PTPRS: variants seen among roughly 807,000 people sequenced by gnomAD.
PTPRS encodes receptor-type tyrosine-protein phosphatase S.
Under a neutral mutation model 215.3 loss-of-function variants are expected in PTPRS, and 63 were observed. The ratio of observed to expected loss-of-function variants is 0.29; its 90% confidence interval spans 0.24 to 0.36. The LOEUF (loss-of-function observed/expected upper bound fraction) is 0.36, where lower values mean the gene tolerates loss of function less well. PTPRS is among the 10% of genes least tolerant of loss of function. PTPRS has a pLI of 1.00. For missense variants in PTPRS, 2,258 were observed against 2,825.8 expected (o/e 0.80, Z 4.56); for synonymous variants, 1,404 against 1,191.4 (o/e 1.18, Z -3.68).
In PTPRS at chr19:5,218,788, T is replaced by C. The variant is rs747944058; in HGVS notation, c.3934A>G (p.Ser1312Gly). The C allele has an allele frequency of 2.5e-6, 4 of 1,607,466 alleles. No individual in the cohort carries two copies. The South Asian group carries it at 4.5e-5, about 18-fold the overall frequency. ...AILLYKNKPD[S>G]KRKDSEPRTK... ...CCACGGGGGAGGGCTGGTTCTTACC[T>C]GTCGGGTTTGCTGTTCCCGAAAGCA... Residue 1312 changes from serine to glycine, a missense_variant and splice_region_variant, in exon 24 of 38, where the codon AGT (serine) becomes GGT (glycine). Around this residue, in one of 6 missense-constraint regions of PTPRS, gnomAD observed 927 missense variants for 1,125.9 expected, o/e 0.82. Transcript: ENST00000262963.
chr19:5,264,284 C>G (rs564017775), intron 5 of PTPRS, among the ~76,000 whole-genome samples: 1 of 152,292 alleles, frequency 6.6e-6, no homozygotes, highest in South Asian at 2.1e-4. Context: ...CTACTCCTGC[C>G]TGTCTGGGCC....
Position 5,223,301 on chromosome 19 carries a change from C to T in PTPRS, c.2495-4G>A, listed in dbSNP as rs747844492. The T allele has an allele frequency of 1.8e-5, 26 of 1,449,120 alleles. No homozygotes were observed. The highest frequency in any genetic ancestry group is 1.3e-4 in the Admixed American group (5 of 38,146). 89.8% of individuals were successfully genotyped at this position (1,449,120 alleles called of 1,614,324 possible). On this transcript the variant is annotated splice_region_variant and splice_polypyrimidine_tract_variant and intron_variant, in intron 17 of 37. Coordinates refer to ENST00000262963, the MANE Select transcript of PTPRS (RefSeq NM_002850.4). Reference sequence around the variant, plus strand: ...GACAGGGTTGGGCGGCCCAGCACTGCGGGGATACGGGGCAGGTGTCAGGGT... The same window carrying T: ...GACAGGGTTGGGCGGCCCAGCACTGTGGGGATACGGGGCAGGTGTCAGGGT...
intron 23 of PTPRS, chr19:5,219,090 G>A (rs2041750081): frequency 3.0e-6 from 2 of 667,682 alleles, no homozygotes; most frequent in African/African-American, 3.6e-5. Flanking sequence ...TTGAAGATAG[G>A]GGTTAAGAGG....
intron 2 of PTPRS, among the ~76,000 whole-genome samples, chr19:5,281,494 T>C (rs7248034): frequency 1 from 152,062 of 152,274 alleles, 75,925 homozygotes; most frequent in Middle Eastern, 1. Context: ...GATCACAGAG[T>C]TCAGAAATAA....
Position 5,240,246 on chromosome 19 carries a change from T to C in PTPRS, c.1657A>G (p.Ile553Val). ...LSWSPPRQESIIKYELLFREG... is the reference protein window; with the variant it reads ...LSWSPPRQESVIKYELLFREG... ...CGGAAGAGGAGCTCGTACTTGATGA[T>C]ACTCTCCTGCCGCGGGGGGCTCCAG... is the stretch of plus-strand genomic sequence containing the variant. Residue 553 changes from isoleucine (I) to valine (V), a missense_variant, in exon 12 of 38, where the codon ATC becomes GTC. Ile to Val is a conservative substitution (Grantham distance 29). Transcript: ENST00000262963. 2 of 1,577,178 alleles carry C rather than the reference T, an allele frequency of 1.3e-6. No homozygotes were observed. The highest frequency in any genetic ancestry group is 1.7e-6 in the Non-Finnish European group (2 of 1,162,518).
chr19:5,240,840 AAAAT>A lies in PTPRS; in HGVS notation c.1571-512_1571-509del, dbSNP rs572535042. Among the ~76,000 whole-genome samples, 29 of 150,788 alleles carry A rather than the reference AAAAT, an allele frequency of 1.9e-4. 3 individuals carry two copies. The highest frequency in any genetic ancestry group is 4.0e-4 in the Admixed American group (6 of 15,144). ...GGCAACAGAGTGAGACTCTGTCTCAAAAATAAATAAATAAATAAATAAAAATAAA... is the reference window on the plus strand; with the variant it reads ...GGCAACAGAGTGAGACTCTGTCTCAAAAATAAATAAATAAATAAAAATAAA... On this transcript the variant is annotated intron_variant, in intron 11 of 37. Coordinates refer to ENST00000262963, the MANE Select transcript of PTPRS (RefSeq NM_002850.4).
Position 5,338,415 on chromosome 19 carries a change from C to A in PTPRS, c.-95+2249G>T, listed in dbSNP as rs1415542509. Among the ~76,000 whole-genome samples, 5 of 152,140 alleles carry A rather than the reference C, an allele frequency of 3.3e-5. No homozygotes were observed. Among genetic ancestry groups the A allele is most frequent in the Non-Finnish European group, 7.4e-5 (5 of 68,002 alleles). On this transcript the variant is annotated intron_variant, in intron 1 of 37. Transcript: ENST00000262963. This position sits in a 1 kb window ranked among gnomAD's most constrained non-coding sequence, Gnocchi z 4.2. ...GAGGGTGTCCCCCGGGCCTGGGGAA[C>A]AGGGCAGGACCCTGCTTCCCGGAGG...
intron 2 of PTPRS, among the ~76,000 whole-genome samples, chr19:5,282,887 A>G (rs1307409823): frequency 1.3e-5 from 2 of 151,928 alleles, no homozygotes; most frequent in African/African-American, 4.8e-5. Context: ...ACCTGGCTCC[A>G]GTGCCTTGAA....
At position 5,244,034 on chromosome 19, in the gene PTPRS, G is replaced by T; in HGVS notation, c.1437C>A (p.Asn479Lys). The T allele has an allele frequency of 6.2e-7, 1 of 1,609,632 alleles. No individual in the cohort carries two copies. The highest frequency in any genetic ancestry group is 8.5e-7 in the Non-Finnish European group (1 of 1,179,920). Residue 479 changes from asparagine (N) to lysine (K), a missense_variant, in exon 11 of 38, where the codon AAC becomes AAA. Coordinates refer to ENST00000262963, the MANE Select transcript of PTPRS (RefSeq NM_002850.4). The surrounding 1 kb of genome is among the most constrained non-coding windows in gnomAD (Gnocchi z 7.2). Reference sequence around the variant, plus strand: ...CGGTGGTCAGCAGGCTGTCGTCCACGTTGTGCTTCTGCCAGTTGCCCACGG... The same window carrying T: ...CGGTGGTCAGCAGGCTGTCGTCCACTTTGTGCTTCTGCCAGTTGCCCACGG... ...EHPVGNWQKH[N>K]VDDSLLTTVG...
At chr19:5,227,689 C>T (rs1052177547) in intron 16 of PTPRS, among the ~76,000 whole-genome samples, 3 of 152,272 alleles carry the variant, frequency 2.0e-5, no homozygotes, top group Admixed American at 6.5e-5. Flanking sequence ...GGATTACAGG[C>T]GTGAGCCACC....
At chr19:5,217,458 G>A (rs916449192) in intron 25 of PTPRS, among the ~76,000 whole-genome samples, 2 of 152,092 alleles carry the variant, frequency 1.3e-5, no homozygotes, top group Non-Finnish European at 2.9e-5. Context: ...ATCCCTTTAT[G>A]AGGACAGCAG....
intron 4 of PTPRS, 151 bp from the exon 5 acceptor site, chr19:5,265,347 T>C: frequency 2.9e-6 from 2 of 685,810 alleles, no homozygotes; most frequent in Non-Finnish European, 4.8e-6. Context: ...CAGCCAGTTC[T>C]CTCTCTTTTT....
At chr19:5,297,289 C>T (rs971183096) in intron 1 of PTPRS, among the ~76,000 whole-genome samples, 6 of 152,086 alleles carry the variant, frequency 3.9e-5, no homozygotes, top group South Asian at 2.1e-4. Context: ...ATAAAATAGG[C>T]GCGTGCAGCA....
At chr19:5,261,403 G>A (rs2045982034) in intron 6 of PTPRS, among the ~76,000 whole-genome samples, 1 of 152,174 alleles carries the variant, frequency 6.6e-6, no homozygotes, top group South Asian at 2.1e-4. Context: ...GAGCCTGGCA[G>A]CCTTCTTACC....
At chr19:5,316,363 C>T (rs556289549) in intron 1 of PTPRS, among the ~76,000 whole-genome samples, 10 of 152,280 alleles carry the variant, frequency 6.6e-5, no homozygotes, top group African/African-American at 2.4e-4. Flanking sequence ...TGCCTCTTGC[C>T]CCAGATTTGC....
At position 5,237,631 on chromosome 19, in the gene PTPRS, C is replaced by A. The variant is rs1568446491; in HGVS notation, c.1849+1288G>T. On this transcript the variant is annotated intron_variant, in intron 13 of 37. Transcript: ENST00000262963. This position sits in a 1 kb window ranked among gnomAD's most constrained non-coding sequence, Gnocchi z 4.2. ...TCCGTTCAGCCCAGAGTGGCTGGGG[C>A]AGGCGGGGGGGCACGCGGGGTGGGC... Among the ~76,000 whole-genome samples, 1 of 152,252 alleles carries A rather than the reference C, an allele frequency of 6.6e-6. No individual in the cohort carries two copies. Among genetic ancestry groups the A allele is most frequent in the South Asian group, 2.1e-4 (1 of 4,824 alleles).
Position 5,214,419 on chromosome 19 carries a change from G to C in PTPRS, c.4556C>G (p.Thr1519Arg). 6.2e-7 allele frequency: 1 copy of C among 1,614,144 alleles called. No homozygotes were observed. The highest frequency in any genetic ancestry group is 8.5e-7 in the Non-Finnish European group (1 of 1,180,026). Residue 1519 changes from threonine to arginine, a missense_variant, in exon 30 of 38, where the codon ACG becomes AGG. Physicochemically the swap from Thr to Arg is moderately conservative, Grantham distance 71. Coordinates refer to ENST00000262963, the MANE Select transcript of PTPRS (RefSeq NM_002850.4). ...GTETYGFIQVTLLDTIELATF... is the reference protein window; with the variant it reads ...GTETYGFIQVRLLDTIELATF... The stretch of plus-strand genomic sequence containing the variant: ...GGCCAGCTCGATGGTATCTAGCAAC[G>C]TGACCTGGATGAAGCCGTAGGTCTC...
chr19:5,337,575 C>G (rs1010621549), intron 1 of PTPRS, among the ~76,000 whole-genome samples: 1 of 152,208 alleles, frequency 6.6e-6, no homozygotes, highest in African/African-American at 2.4e-5. Flanking sequence ...AAGGGGAAAC[C>G]AAGTCACCTC....
intron 1 of PTPRS, among the ~76,000 whole-genome samples, chr19:5,324,245 A>G (rs2379614): frequency 1.4e-5 from 2 of 143,670 alleles, no homozygotes; most frequent in East Asian, 4.1e-4. Context: ...AAAAAAAAAA[A>G]AAAAAAGAAA....
Sources: allele counts gnomAD v4.1 joint callset (sites outside exome capture counted in the v4.1 genomes callset), GRCh38; gene constraint gnomAD v4.1.1; regional missense constraint gnomAD v4.1.1; non-coding constraint Gnocchi (gnomAD v3.1); transcripts MANE v1.5; gene names NCBI Gene and HGNC (gene_info 2026-07-23, HGNC 2026-07-21).